Variants in SGK3 observed in about 807,000 individuals in gnomAD.
The protein encoded by SGK3 is serine/threonine-protein kinase Sgk3.
SGK3 carries 47 observed loss-of-function variants against 68.5 expected under a neutral mutation model. That is an observed-to-expected ratio of 0.69 (90% CI 0.54 to 0.87). The LOEUF (loss-of-function observed/expected upper bound fraction) is 0.87. Among genes scored for constraint, SGK3 ranks in the 40% least tolerant of loss-of-function variants. SGK3 has a pLI of 0.00. For synonymous variants in SGK3, 181 were observed against 189.1 expected, an observed-to-expected ratio of 0.96 and a Z score of 0.35; for missense variants, 479 against 575.5, an observed-to-expected ratio of 0.83 and a Z score of 1.72.
chr8:66,851,011 A>AT, intron 16 of SGK3, 91 bp downstream of exon 16: 1 of 1,335,412 alleles, frequency 7.5e-7, no homozygotes, highest in Non-Finnish European at 1.0e-6. Context: ...AATCACCTGA[A>AT]TTAAATGGAG....
chr8:66,773,975 A>G (rs1303497148), intron 1 of SGK3, among the ~76,000 whole-genome samples: 1 of 152,206 alleles, frequency 6.6e-6, no homozygotes, highest in Non-Finnish European at 1.5e-5. Context: ...GAGAGGTTGA[A>G]TGAGTGATGC....
intron 1 of SGK3, chr8:66,737,109 G>T (rs1034172855): frequency 6.7e-6 from 1 of 150,208 alleles, no homozygotes; most frequent in Non-Finnish European, 1.5e-5. Flanking sequence ...TTTTACAGGC[G>T]TGAGCCACCA....
chr8:66,827,386 CAAA>C (rs757439616), intron 6 of SGK3, among the ~76,000 whole-genome samples: 3 of 52,328 alleles, frequency 5.7e-5, no homozygotes, highest in African/African-American at 6.2e-5. Context: ...AACTCTATCT[CAAA>C]AAAAAAAAAA....
chr8:66,807,523 A>G (rs918448318), intron 4 of SGK3, among the ~76,000 whole-genome samples: 1 of 152,228 alleles, frequency 6.6e-6, no homozygotes, highest in African/African-American at 2.4e-5. Context: ...CGTATATTTA[A>G]TATGACTTGG....
In SGK3 at chr8:66,714,775, T is replaced by C. The variant is rs149972179; in HGVS notation, c.-122+1942T>C. On this transcript the variant is annotated intron_variant, in intron 1 of 16. Transcript: ENST00000521198. ...AGATCTTGTATGGTTGATCTCTTAA[T>C]TACTTTTTATTACCTGTTTTTACAG... is the stretch of plus-strand genomic sequence containing the variant. Among the ~76,000 whole-genome samples the C allele has an allele frequency of 3.9e-4, 60 of 152,304 alleles. 2 individuals are homozygous for C. In the East Asian group the frequency reaches 0.011, roughly 29 times the overall value.
chr8:66,756,180 C>T (rs78289441), intron 1 of SGK3, among the ~76,000 whole-genome samples: 6,286 of 152,056 alleles, frequency 0.041, 198 homozygotes, highest in Non-Finnish European at 0.064. Flanking sequence ...AGAAGGCAGC[C>T]GTCTACAAGC....
chr8:66,740,982 A>T (rs967301832), intron 1 of SGK3, among the ~76,000 whole-genome samples: 4 of 151,700 alleles, frequency 2.6e-5, no homozygotes, highest in Admixed American at 2.6e-4. Context: ...CATCCTGCAT[A>T]CCAGAAGAGA....
chr8:66,739,905 C>T (rs1050751563), intron 1 of SGK3, among the ~76,000 whole-genome samples: 7 of 152,182 alleles, frequency 4.6e-5, no homozygotes, highest in Admixed American at 1.3e-4. Context: ...TACTTACTTA[C>T]TATCATGAGA....
chr8:66,762,258 C>T (rs1027935589), intron 1 of SGK3, among the ~76,000 whole-genome samples: 3 of 152,124 alleles, frequency 2.0e-5, no homozygotes, highest in Non-Finnish European at 4.4e-5. Flanking sequence ...CGTGAGCCAC[C>T]GCGCCCGGCC....
chr8:66,847,158 A>G (rs1384600776), intron 14 of SGK3, 35 bp from the exon 15 acceptor site: 11 of 1,577,754 alleles, frequency 7.0e-6, no homozygotes, highest in Non-Finnish European at 8.6e-6. Flanking sequence ...TAATTTGTTT[A>G]CCACTAAGTT....
intron 5 of SGK3, among the ~76,000 whole-genome samples, chr8:66,816,128 T>C (rs79472353): frequency 0.02 from 3,102 of 152,028 alleles, 109 homozygotes; most frequent in African/African-American, 0.07. Context: ...GCCTCCCCAG[T>C]AGCTGGGACT....
intron 5 of SGK3, among the ~76,000 whole-genome samples, chr8:66,816,242 T>C (rs1255944980): frequency 6.6e-6 from 1 of 152,050 alleles, no homozygotes; most frequent in Non-Finnish European, 1.5e-5. Context: ...GACCTCATGA[T>C]CTGCCCGCCT....
At chr8:66,756,266 C>T (rs746830177) in intron 1 of SGK3, among the ~76,000 whole-genome samples, 63 of 152,056 alleles carry the variant, frequency 4.1e-4, no homozygotes, top group Non-Finnish European at 6.9e-4. Flanking sequence ...AATTGTGAGA[C>T]AATGCATTTC....
chr8:66,713,846 G>T (rs1395883112), intron 1 of SGK3, among the ~76,000 whole-genome samples: 1 of 152,156 alleles, frequency 6.6e-6, no homozygotes, highest in African/African-American at 2.4e-5. Flanking sequence ...GAAGTTTTAG[G>T]CATGTTTTAG....
intron 15 of SGK3, among the ~76,000 whole-genome samples, chr8:66,850,178 C>T (rs924415881): frequency 6.6e-6 from 1 of 152,210 alleles, no homozygotes; most frequent in Non-Finnish European, 1.5e-5. Context: ...TCTCCCCATT[C>T]TTTTGTCTGG....
chr8:66,819,379 ATCTGT>A (rs928402403), intron 5 of SGK3, among the ~76,000 whole-genome samples: 17 of 152,202 alleles, frequency 1.1e-4, no homozygotes, highest in Non-Finnish European at 1.9e-4. Context: ...ATTTTTAAAA[ATCTGT>A]TCTGAAAGTT....
chr8:66,791,362 G>A (rs926722181), intron 1 of SGK3, among the ~76,000 whole-genome samples: 14 of 152,124 alleles, frequency 9.2e-5, no homozygotes, highest in African/African-American at 2.9e-4. Flanking sequence ...AAAGAGTGGC[G>A]TTTGGGTCTG....
intron 14 of SGK3, 92 bp from the exon 15 acceptor site, chr8:66,847,101 A>G (rs1204766024): frequency 3.3e-6 from 5 of 1,525,212 alleles, no homozygotes; most frequent in Non-Finnish European, 2.6e-6. Context: ...CATTTTTTCA[A>G]CTGACTGCTC....
chr8:66,799,824 A>G (rs1444186824), intron 3 of SGK3, among the ~76,000 whole-genome samples: 2 of 152,082 alleles, frequency 1.3e-5, no homozygotes, highest in Non-Finnish European at 2.9e-5. Flanking sequence ...GGGTTTTGCC[A>G]TGTTGGCGAG....
Sources: allele counts gnomAD v4.1 joint callset (sites outside exome capture counted in the v4.1 genomes callset), GRCh38; gene constraint gnomAD v4.1.1; transcripts MANE v1.5; gene names NCBI Gene and HGNC (gene_info 2026-07-23, HGNC 2026-07-21).